The following THAP12 variants were observed in gnomAD, a reference collection of about 807,000 sequenced individuals.
The protein encoded by THAP12 is 52 kDa repressor of the inhibitor of the protein kinase.
THAP12 carries 20 observed loss-of-function variants against 63.0 expected under a neutral mutation model. The ratio of observed to expected loss-of-function variants is 0.32; its 90% CI spans 0.22 to 0.46. The LOEUF (loss-of-function observed/expected upper bound fraction) is 0.46, where lower values mean the gene tolerates loss of function less well. THAP12 is among the 20% of genes least tolerant of loss of function. The probability of loss-of-function intolerance (pLI) is 1.00; values close to 1 mark genes in which losing one functional copy is unlikely to be tolerated. For missense variants in THAP12, 568 were observed against 908.2 expected (o/e 0.63, Z 4.81); for synonymous variants, 264 against 328.4 (o/e 0.80, Z 2.12).
chr11:76,370,908 GTA>G (rs1242551454), intron 1 of THAP12, among the ~76,000 whole-genome samples: 1 of 150,402 alleles, frequency 6.6e-6, no homozygotes, highest in Admixed American at 6.6e-5. Flanking sequence ...TTATGAATAT[GTA>G]TATATATTTA....
At chr11:76,372,359 G>A (rs1268196537) in intron 1 of THAP12, among the ~76,000 whole-genome samples, 1 of 150,986 alleles carries the variant, frequency 6.6e-6, no homozygotes, top group African/African-American at 2.4e-5. Context: ...TACTAATGCA[G>A]CATTTCTAAA....
Position 76,370,843 on chromosome 11 carries a change from A to AAAAT in THAP12, c.90-4872_90-4871insATTT, listed in dbSNP as rs1555025512. ...CTCAAAAAAAAAGAAAAAAAAAAAAAATATATATATATATGACCACAATAA... is the reference window on the plus strand; with the variant it reads ...CTCAAAAAAAAAGAAAAAAAAAAAAAAAATATATATATATATATGACCACAATAA... On this transcript the variant is annotated intron_variant, in intron 1 of 4. Coordinates refer to ENST00000260045, the MANE Select transcript of THAP12 (RefSeq NM_004705.4). Among the ~76,000 whole-genome samples the AAAAT allele has an allele frequency of 2.6e-3, 367 of 141,542 alleles. 2 individuals are homozygous for AAAAT. Among genetic ancestry groups the AAAAT allele is most frequent in the African/African-American group, 9.2e-3 (349 of 37,902 alleles). 92.9% of individuals were successfully genotyped at this position (141,542 alleles called of 152,430 possible).
At chr11:76,375,390 CTT>C (rs533659659) in intron 1 of THAP12, among the ~76,000 whole-genome samples, 107 of 132,760 alleles carry the variant, frequency 8.1e-4, no homozygotes, top group Non-Finnish European at 9.8e-4. Context: ...AAGACTTAGG[CTT>C]TTTTTTTTTT....
chr11:76,355,922 T>G (rs1006438664), intron 3 of THAP12: 11 of 280,800 alleles, frequency 3.9e-5, no homozygotes, highest in South Asian at 2.5e-4. Flanking sequence ...TCATCGTAAC[T>G]TTGGGTTATA....
intron 3 of THAP12, among the ~76,000 whole-genome samples, chr11:76,359,881 A>C (rs1946586925): frequency 6.6e-6 from 1 of 152,148 alleles, no homozygotes; most frequent in Non-Finnish European, 1.5e-5. Flanking sequence ...AGTTAAGAAA[A>C]AGAAGAGTTA....
intron 1 of THAP12, among the ~76,000 whole-genome samples, chr11:76,366,485 T>C (rs1391800942): frequency 6.6e-6 from 1 of 152,118 alleles, no homozygotes; most frequent in African/African-American, 2.4e-5. Context: ...ATCGAGACCA[T>C]CCTGGCTAAC....
At chr11:76,357,858 G>A (rs1194541810) in intron 3 of THAP12, 1 of 152,082 alleles carries the variant, frequency 6.6e-6, no homozygotes. Flanking sequence ...ACCTAAGAGA[G>A]ACTTTTATAG....
chr11:76,351,406 T>C lies in THAP12; in HGVS notation c.1744A>G (p.Thr582Ala). ...SYYKETLSVP[T>A]VEHIIQELKD... Reference sequence around the variant, plus strand: ...AGTTCCTGAATAATGTGCTCCACTGTTGGGACACTTAGGGTTTCTTTATAG... The same window carrying C: ...AGTTCCTGAATAATGTGCTCCACTGCTGGGACACTTAGGGTTTCTTTATAG... Residue 582 changes from threonine to alanine, a missense_variant, in exon 5 of 5, where the codon ACA (threonine) becomes GCA (alanine). Transcript: ENST00000260045. 1.2e-6 allele frequency: 2 copies of C among 1,604,858 alleles called. No individual in the cohort carries two copies. Among genetic ancestry groups the C allele is most frequent in the South Asian group, 1.1e-5 (1 of 90,856 alleles).
chr11:76,364,456 T>C (rs777522530), intron 2 of THAP12: 8 of 438,344 alleles, frequency 1.8e-5, no homozygotes, highest in South Asian at 1.3e-4. Flanking sequence ...CAAAATAAAT[T>C]GCTGCATAAC....
At chr11:76,380,653 CT>C in intron 1 of THAP12, 94 bp downstream of exon 1, 1 of 994,840 alleles carries the variant, frequency 1.0e-6, no homozygotes, top group Non-Finnish European at 1.3e-6. Context: ...TCCTGCGCCC[CT>C]CTCAGCCAGC....
chr11:76,354,900 T>C (rs1946549649), intron 4 of THAP12, among the ~76,000 whole-genome samples: 1 of 152,176 alleles, frequency 6.6e-6, no homozygotes, highest in African/African-American at 2.4e-5. Context: ...GTGCACAGAA[T>C]ACCTTTCCCT....
At chr11:76,367,046 CACA>C (rs1946636124) in intron 1 of THAP12, among the ~76,000 whole-genome samples, 1 of 151,810 alleles carries the variant, frequency 6.6e-6, no homozygotes, top group South Asian at 2.1e-4. Flanking sequence ...TTGCTAAAGT[CACA>C]ACTAGATCTT....
intron 1 of THAP12, among the ~76,000 whole-genome samples, chr11:76,366,497 C>T (rs1191582868): frequency 1.3e-5 from 2 of 152,078 alleles, no homozygotes; most frequent in Non-Finnish European, 2.9e-5. Flanking sequence ...CTGGCTAACC[C>T]GGTGAAACCC....
intron 2 of THAP12, among the ~76,000 whole-genome samples, chr11:76,362,464 C>T (rs568845289): frequency 6.6e-6 from 1 of 152,308 alleles, no homozygotes; most frequent in African/African-American, 2.4e-5. Context: ...TTTTCTAGTT[C>T]AATTCCATGC....
In THAP12 at chr11:76,365,670, C is replaced by G. The variant is rs566446090; in HGVS notation, c.210+182G>C. On this transcript the variant is annotated intron_variant, in intron 2 of 4. Coordinates refer to ENST00000260045, the MANE Select transcript of THAP12 (RefSeq NM_004705.4). ...CCAAAGTGCTGGGATTATAGGCCCC[C>G]GGCAAAATCAGGATTTTAAGAACAA... Among the ~76,000 whole-genome samples, 9 of 152,188 alleles carry G rather than the reference C, an allele frequency of 5.9e-5. No individual in the cohort carries two copies. In the East Asian group the frequency reaches 1.5e-3, roughly 26 times the overall value.
At chr11:76,368,958 G>A (rs1235885144) in intron 1 of THAP12, among the ~76,000 whole-genome samples, 1 of 152,136 alleles carries the variant, frequency 6.6e-6, no homozygotes, top group Non-Finnish European at 1.5e-5. Flanking sequence ...ATTTAAGAGT[G>A]AAATGGCAGA....
intron 2 of THAP12, among the ~76,000 whole-genome samples, chr11:76,363,571 A>G (rs577062150): frequency 7.8e-6 from 1 of 127,656 alleles, no homozygotes; most frequent in Admixed American, 8.5e-5. Context: ...AGATACAGAT[A>G]TCAGAAAATC....
chr11:76,370,282 G>A (rs758416281), intron 1 of THAP12, among the ~76,000 whole-genome samples: 7 of 152,048 alleles, frequency 4.6e-5, no homozygotes, highest in South Asian at 2.1e-4. Flanking sequence ...TAAAAATCCC[G>A]GTGAAATTTT....
chr11:76,371,592 ACT>A (rs967543747), intron 1 of THAP12, among the ~76,000 whole-genome samples: 3 of 151,156 alleles, frequency 2.0e-5, no homozygotes, highest in African/African-American at 7.3e-5. Flanking sequence ...CATCTTTAAA[ACT>A]CTCTTAATCC....
Sources: gnomAD v4.1 joint callset for allele counts (sites outside exome capture counted in the v4.1 genomes callset) on GRCh38, gnomAD v4.1.1 for gene constraint, MANE v1.5 for transcripts, NCBI Gene and HGNC (gene_info 2026-07-23, HGNC 2026-07-21) for gene names.